Variants in PTPRO observed in about 807,000 individuals in gnomAD.
PTPRO encodes the protein protein tyrosine phosphatase receptor type O, also known as receptor-type tyrosine-protein phosphatase O.
A neutral mutation model predicts 145.2 loss-of-function variants in PTPRO; 62 were observed. The ratio of observed to expected loss-of-function variants is 0.43; its 90% CI spans 0.35 to 0.53. The LOEUF is 0.53. PTPRO is among the 20% of genes least tolerant of loss of function. PTPRO has a pLI of 0.01. For synonymous variants in PTPRO, 565 were observed against 514.7 expected (o/e 1.10, Z -1.32); for missense variants, 1,345 against 1,482.7 (o/e 0.91, Z 1.53).
chr12:15,410,004 G>T (rs2136311209), intron 1 of PTPRO, among the ~76,000 whole-genome samples: 1 of 152,244 alleles, frequency 6.6e-6, no homozygotes, highest in East Asian at 1.9e-4. Context: ...CAACCTTAGG[G>T]CAAGGGAGTA....
At chr12:15,591,463 C>T (rs1245673541) in intron 25 of PTPRO, among the ~76,000 whole-genome samples, 3 of 152,158 alleles carry the variant, frequency 2.0e-5, no homozygotes, top group Non-Finnish European at 4.4e-5. Flanking sequence ...TTTCACATGA[C>T]ACATCCTCCA....
intron 14 of PTPRO, among the ~76,000 whole-genome samples, chr12:15,550,321 T>C (rs1473881951): frequency 3.3e-5 from 5 of 152,166 alleles, no homozygotes. Flanking sequence ...CAGATCTTCA[T>C]AAAGATCTTC....
chr12:15,445,249 G>C (rs1261122533), intron 1 of PTPRO, among the ~76,000 whole-genome samples: 3 of 151,926 alleles, frequency 2.0e-5, no homozygotes. Context: ...AGCTATATAT[G>C]CTAATTTTGT....
At chr12:15,567,172 A>T (rs1026212601) in intron 18 of PTPRO, among the ~76,000 whole-genome samples, 10 of 152,064 alleles carry the variant, frequency 6.6e-5, no homozygotes, top group Non-Finnish European at 1.2e-4. Flanking sequence ...ACTCACATCA[A>T]TTCGGCTTCC....
At chr12:15,487,917 T>A (rs1181545424) in intron 2 of PTPRO, among the ~76,000 whole-genome samples, 3 of 152,240 alleles carry the variant, frequency 2.0e-5, no homozygotes, top group Non-Finnish European at 4.4e-5. Flanking sequence ...ACTCAGCCTT[T>A]ATGAATCCAT....
At chr12:15,513,192 A>T (rs1346821292) in intron 7 of PTPRO, among the ~76,000 whole-genome samples, 18 of 119,470 alleles carry the variant, frequency 1.5e-4, no homozygotes, top group East Asian at 2.3e-4. Context: ...AAAGAAAGAA[A>T]GAAAGAAAGA....
At position 15,595,083 on chromosome 12, in the gene PTPRO, G is replaced by A. The variant is rs759226908; in HGVS notation, c.*16+26G>A. Reference sequence around the variant, plus strand: ...GTAAGTGGAGAAGAGCTCTCCACGAGTGCTCAGTCTTAGAACTATTAGAGG... The same window carrying A: ...GTAAGTGGAGAAGAGCTCTCCACGAATGCTCAGTCTTAGAACTATTAGAGG... On this transcript the variant is annotated intron_variant, in intron 26 of 26. Coordinates refer to ENST00000281171, the MANE Select transcript of PTPRO (RefSeq NM_030667.3). 3.4e-6 allele frequency: 5 copies of A among 1,476,228 alleles called. No homozygotes were observed. In the African/African-American group the frequency reaches 6.9e-5, roughly 21 times the overall value. 91.4% of individuals were successfully genotyped at this position (1,476,228 alleles called of 1,614,324 possible). A position where few individuals can be genotyped will look rare whatever the true frequency, so the allele number is the denominator to read the frequency against.
At chr12:15,494,130 G>T (rs1284767647) in intron 2 of PTPRO, among the ~76,000 whole-genome samples, 3 of 152,142 alleles carry the variant, frequency 2.0e-5, no homozygotes, top group Non-Finnish European at 4.4e-5. Context: ...TTTACTTCTG[G>T]TCATGGTGGG....
At chr12:15,521,801 AT>A (rs1312509333) in intron 10 of PTPRO, among the ~76,000 whole-genome samples, 3 of 152,192 alleles carry the variant, frequency 2.0e-5, no homozygotes, top group Non-Finnish European at 4.4e-5. Flanking sequence ...TATTAATAGG[AT>A]TTGGCTTCCT....
At chr12:15,386,151 CA>C (rs1028700909) in intron 1 of PTPRO, among the ~76,000 whole-genome samples, 3 of 151,528 alleles carry the variant, frequency 2.0e-5, no homozygotes, top group African/African-American at 7.3e-5. Flanking sequence ...CAAAGACACA[CA>C]AAAAAATAAG....
chr12:15,381,821 C>A (rs889389494), intron 1 of PTPRO, among the ~76,000 whole-genome samples: 4 of 152,038 alleles, frequency 2.6e-5, no homozygotes, highest in African/African-American at 9.7e-5. Flanking sequence ...TATGTTTCAC[C>A]TTCAAAGTTT....
intron 1 of PTPRO, among the ~76,000 whole-genome samples, chr12:15,382,552 C>T (rs1409678707): frequency 6.6e-6 from 1 of 152,150 alleles, no homozygotes; most frequent in East Asian, 1.9e-4. Context: ...CTGGTCACAC[C>T]GCAGTAACAG....
intron 1 of PTPRO, among the ~76,000 whole-genome samples, chr12:15,465,456 T>C (rs548199128): frequency 1.3e-5 from 2 of 152,358 alleles, no homozygotes; most frequent in South Asian, 2.1e-4. Flanking sequence ...AGAAGAATTT[T>C]AGTAAAGGAG....
intron 1 of PTPRO, among the ~76,000 whole-genome samples, chr12:15,435,240 T>C (rs1940563000): frequency 6.6e-6 from 1 of 152,194 alleles, no homozygotes; most frequent in Non-Finnish European, 1.5e-5. Context: ...TTCAAAAGTA[T>C]GTGAAATTAT....
intron 1 of PTPRO, among the ~76,000 whole-genome samples, chr12:15,407,216 C>G (rs1217137341): frequency 6.6e-6 from 1 of 152,134 alleles, no homozygotes; most frequent in Admixed American, 6.5e-5. Context: ...CAATCTAGTG[C>G]TTTTGTTAAC....
At chr12:15,424,275 G>T (rs1201698721) in intron 1 of PTPRO, among the ~76,000 whole-genome samples, 2 of 151,982 alleles carry the variant, frequency 1.3e-5, no homozygotes, top group Admixed American at 6.6e-5. Context: ...TTTTCCACTG[G>T]AGTAAAAAGA....
rs73057259 is a variant in PTPRO at position 15,363,275 on chromosome 12, T to C, written c.75+40474T>C. ...GTTTTGCAAGACTTTGAAACCATCT[T>C]CTCCAGGGACAAAAGAAAGTAATTA... On this transcript the variant is annotated intron_variant, in intron 1 of 26. Transcript: ENST00000281171. 9.6e-3 allele frequency among the ~76,000 whole-genome samples: 1,468 copies of C among 152,252 alleles called. 9 individuals are homozygous for C. Among genetic ancestry groups the C allele is most frequent in the South Asian group, 0.018 (86 of 4,814 alleles).
intron 23 of PTPRO, among the ~76,000 whole-genome samples, chr12:15,586,336 C>T (rs1191314796): frequency 1.3e-5 from 2 of 152,200 alleles, no homozygotes; most frequent in Non-Finnish European, 2.9e-5. Context: ...GCATGAACAG[C>T]ACCATGGTAC....
intron 4 of PTPRO, among the ~76,000 whole-genome samples, chr12:15,501,259 T>A (rs939503475): frequency 2.3e-5 from 3 of 130,246 alleles, no homozygotes; most frequent in Non-Finnish European, 4.9e-5. Context: ...TTTTTTGTAA[T>A]AAAAATCCAG....
Sources: gnomAD v4.1 joint callset for allele counts (sites outside exome capture counted in the v4.1 genomes callset) on GRCh38, gnomAD v4.1.1 for gene constraint, MANE v1.5 for transcripts, NCBI Gene and HGNC (gene_info 2026-07-23, HGNC 2026-07-21) for gene names.